Variants in ACAD11 observed in about 807,000 individuals in gnomAD.
ACAD11 encodes the protein acyl-CoA dehydrogenase family member 11.
In ACAD11, 83 loss-of-function variants were observed where a neutral mutation model predicts 102.2. That is an observed-to-expected ratio of 0.81 (90% CI 0.68 to 0.97). The LOEUF (loss-of-function observed/expected upper bound fraction) is 0.97. Ranked by LOEUF, ACAD11 falls within the 50% of genes least tolerant of loss-of-function variation. The pLI is 0.00. For synonymous variants in ACAD11, 324 were observed against 319.8 expected, an observed-to-expected ratio of 1.01 and a Z score of -0.14; for missense variants, 901 against 951.7, an observed-to-expected ratio of 0.95 and a Z score of 0.70.
At chr3:132,618,189 C>A (rs542572946) in intron 11 of ACAD11, 1 of 155,406 alleles carries the variant, frequency 6.4e-6, no homozygotes, top group South Asian at 2.1e-4. Context: ...GTATTTTATT[C>A]ACTGATATAT....
chr3:132,595,657 A>C (rs1938268994), intron 13 of ACAD11, among the ~76,000 whole-genome samples: 1 of 152,224 alleles, frequency 6.6e-6, no homozygotes, highest in African/African-American at 2.4e-5. Flanking sequence ...CAGTTCTCAA[A>C]AGAAGACATA....
At chr3:132,643,991 C>T (rs995867156) in intron 2 of ACAD11, among the ~76,000 whole-genome samples, 3 of 151,984 alleles carry the variant, frequency 2.0e-5, no homozygotes, top group African/African-American at 4.8e-5. Flanking sequence ...CATACTATAT[C>T]GATATTTAAT....
chr3:132,600,347 TA>T, intron 13 of ACAD11: 1 of 1,463,108 alleles, frequency 6.8e-7, no homozygotes, highest in South Asian at 1.4e-5. Flanking sequence ...CTTTTAAGCA[TA>T]TTTAGACAAA....
intron 2 of ACAD11, 90 bp downstream of exon 2, chr3:132,644,707 A>T: frequency 1.8e-6 from 1 of 561,296 alleles, no homozygotes; most frequent in African/African-American, 1.9e-5. Context: ...TGGCAATCAT[A>T]AGATGCCTTT....
rs748253874 is a variant in ACAD11, at chr3:132,561,215, C to T, written c.2004G>A (p.Glu668=). The change falls in exon 18 of 20, where the codon GAG becomes GAA. Residue 668 remains glutamate, a splice_region_variant and synonymous_variant. Coordinates refer to ENST00000264990, the MANE Select transcript of ACAD11 (RefSeq NM_032169.5). ...IAFKKKLYAH[E]VVAHWIAESR... is the part of the protein sequence containing the mutation. ...TTTCAGCAATCCAGTGAGCCACAACCTCCTATAGGGGAGGAAAAGGCAGCA... is the reference window on the plus strand; with the variant it reads ...TTTCAGCAATCCAGTGAGCCACAACTTCCTATAGGGGAGGAAAAGGCAGCA... The T allele has an allele frequency of 1.8e-5, 29 of 1,611,856 alleles. No homozygotes were observed. The South Asian group carries it at 3.1e-4, about 17-fold the overall frequency.
chr3:132,571,162 C>G (rs1414756451), intron 17 of ACAD11, among the ~76,000 whole-genome samples: 2 of 152,090 alleles, frequency 1.3e-5, no homozygotes, highest in Non-Finnish European at 2.9e-5. Flanking sequence ...ACCAGCCCAG[C>G]ATCTGTTATT....
At chr3:132,652,477 C>T (rs2107902282) in intron 1 of ACAD11, among the ~76,000 whole-genome samples, 1 of 152,302 alleles carries the variant, frequency 6.6e-6, no homozygotes, top group East Asian at 1.9e-4. Flanking sequence ...TAACCACTAC[C>T]TTGAATACAC....
At chr3:132,647,332 G>C (rs954745988) in intron 1 of ACAD11, 9 of 152,122 alleles carry the variant, frequency 5.9e-5, no homozygotes, top group African/African-American at 1.9e-4. Flanking sequence ...CAGAACTATT[G>C]GTTAGTTCTT....
In ACAD11 at chr3:132,641,569, A is replaced by T. The variant is rs200643461; in HGVS notation, c.537+403T>A. 9.4e-3 allele frequency among the ~76,000 whole-genome samples: 1,150 copies of T among 121,956 alleles called. 40 individuals carry two copies. The highest frequency in any genetic ancestry group is 0.028 in the South Asian group (103 of 3,644). The allele number at this position is 121,956 out of a possible 152,430, so 80.0% of individuals were successfully genotyped here. A position where few individuals can be genotyped will look rare whatever the true frequency, so the allele number is the denominator to read the frequency against. On this transcript the variant is annotated intron_variant, in intron 4 of 19. Transcript: ENST00000264990. ...AAAATGATGATGATGATGAAGAAGA[A>T]GAAGAAGAAGAAGAAGAAGAAGAAG...
chr3:132,644,980 A>G (rs1210862407), intron 1 of ACAD11, 84 bp from the exon 2 acceptor site: 1 of 810,918 alleles, frequency 1.2e-6, no homozygotes. Context: ...GTCAGAAGAA[A>G]CAAATGAAAA....
intron 11 of ACAD11, among the ~76,000 whole-genome samples, chr3:132,614,051 C>G (rs915319862): frequency 6.6e-6 from 1 of 152,202 alleles, no homozygotes; most frequent in Non-Finnish European, 1.5e-5. Context: ...AGAGCCAAAT[C>G]TTGAGTGAAC....
chr3:132,634,888 C>G (rs1489271261), intron 5 of ACAD11, among the ~76,000 whole-genome samples: 1 of 123,188 alleles, frequency 8.1e-6, no homozygotes, highest in African/African-American at 3.0e-5. Context: ...GGGAACATCA[C>G]ACACTGGGGC....
intron 11 of ACAD11, among the ~76,000 whole-genome samples, chr3:132,610,700 A>G (rs1479819357): frequency 6.6e-5 from 10 of 152,182 alleles, no homozygotes; most frequent in Admixed American, 6.5e-4. Context: ...GAATAGACCA[A>G]TAACAGGCTC....
Position 132,558,729 on chromosome 3 carries a change from T to G in ACAD11, c.*242A>C, listed in dbSNP as rs921814049. ...GTTGCCCAGGCTGGTCCTGAACTCC[T>G]GGCCTCAAGGAGGCACTAGATTGAA... is the stretch of plus-strand genomic sequence containing the variant. On this transcript the variant is annotated 3_prime_UTR_variant, in exon 20 of 20. Transcript: ENST00000264990. 2.3e-5 allele frequency: 10 copies of G among 432,414 alleles called. No homozygotes were observed. The highest frequency in any genetic ancestry group is 1.9e-4 in the African/African-American group (9 of 48,432). The allele number at this position is 432,414 out of a possible 1,614,324, so 26.8% of individuals were successfully genotyped here. A position where few individuals can be genotyped will look rare whatever the true frequency, so the allele number is the denominator to read the frequency against.
rs1161546370 is a variant in ACAD11, at chr3:132,558,154, T to C, written c.*817A>G. The stretch of plus-strand genomic sequence containing the variant: ...ATTACAAAATTGTAAGGACCAGATA[T>C]AGCCTTTAATTCCTAATGTTCAAAA... On this transcript the variant is annotated 3_prime_UTR_variant, in exon 20 of 20. Coordinates refer to ENST00000264990, the MANE Select transcript of ACAD11 (RefSeq NM_032169.5). 6.6e-6 allele frequency: 1 copy of C among 152,126 alleles called. No individual in the cohort carries two copies. The highest frequency in any genetic ancestry group is 1.5e-5 in the Non-Finnish European group (1 of 68,020). 9.4% of individuals were successfully genotyped at this position (152,126 alleles called of 1,614,324 possible). A position where few individuals can be genotyped will look rare whatever the true frequency, so the allele number is the denominator to read the frequency against.
At chr3:132,586,944 A>T (rs1426332786) in intron 13 of ACAD11, among the ~76,000 whole-genome samples, 1 of 152,134 alleles carries the variant, frequency 6.6e-6, no homozygotes, top group Non-Finnish European at 1.5e-5. Context: ...AATACAAAAA[A>T]TTAGCCAGGC....
At chr3:132,599,514 A>T (rs1029049478) in intron 13 of ACAD11, among the ~76,000 whole-genome samples, 2 of 152,088 alleles carry the variant, frequency 1.3e-5, no homozygotes, top group African/African-American at 2.4e-5. Flanking sequence ...TCAAAAAAAA[A>T]ATTAAATATT....
At chr3:132,632,084 G>A (rs1418884665) in intron 5 of ACAD11, among the ~76,000 whole-genome samples, 2 of 135,712 alleles carry the variant, frequency 1.5e-5, no homozygotes, top group African/African-American at 6.4e-5. Flanking sequence ...ATATATATAT[G>A]TATTTTTTTT....
intron 9 of ACAD11, among the ~76,000 whole-genome samples, chr3:132,624,700 CGTT>C (rs759805971): frequency 8.0e-5 from 12 of 150,814 alleles, no homozygotes; most frequent in Non-Finnish European, 1.8e-4. Flanking sequence ...GCTTTTTTGT[CGTT>C]GTTGAGACAG....
Sources: gnomAD v4.1 joint callset for allele counts (sites outside exome capture counted in the v4.1 genomes callset) on GRCh38, gnomAD v4.1.1 for gene constraint, MANE v1.5 for transcripts, NCBI Gene and HGNC (gene_info 2026-07-23, HGNC 2026-07-21) for gene names.